PTN: variants seen among roughly 807,000 people sequenced by gnomAD.
The protein encoded by PTN is pleiotrophin.
In PTN, 18 loss-of-function variants were observed where a neutral mutation model predicts 24.1. The observed-to-expected ratio is 0.75, with a 90% confidence interval of 0.52 to 1.11. The LOEUF is 1.11. PTN is among the 50% of genes least tolerant of loss of function. PTN has a pLI of 0.00. For missense variants in PTN, 163 were observed against 198.8 expected (o/e 0.82, Z 1.08); for synonymous variants, 78 against 68.6 (o/e 1.14, Z -0.67).
chr7:137,241,926 G>A (rs527409175), intron 4 of PTN, among the ~76,000 whole-genome samples: 1 of 152,198 alleles, frequency 6.6e-6, no homozygotes, highest in East Asian at 1.9e-4. Flanking sequence ...GCCAGCCTGT[G>A]GTGGGATTCT....
At chr7:137,277,900 TGAGATGATAGATAGATAGATAGATAGATA>T (rs202086206) in intron 1 of PTN, among the ~76,000 whole-genome samples, 5 of 149,782 alleles carry the variant, frequency 3.3e-5, no homozygotes, top group East Asian at 2.0e-4. Context: ...GATAGATAGA[TGAGATGATAGATAGATAGATAGATAGATA>T]GATAGATAGA....
At chr7:137,333,460 T>C (rs1024838433) in intron 1 of PTN, among the ~76,000 whole-genome samples, 18 of 152,168 alleles carry the variant, frequency 1.2e-4, no homozygotes, top group African/African-American at 4.1e-4. Flanking sequence ...AAATCTGGAC[T>C]CTGAAGCAAA....
At chr7:137,319,363 C>A (rs1210468085) in intron 1 of PTN, among the ~76,000 whole-genome samples, 1 of 152,102 alleles carries the variant, frequency 6.6e-6, no homozygotes, top group Non-Finnish European at 1.5e-5. Flanking sequence ...TTACTTTCTT[C>A]CATTTGTTCT....
intron 1 of PTN, among the ~76,000 whole-genome samples, chr7:137,320,138 G>T (rs150150996): frequency 9.7e-4 from 148 of 152,294 alleles, no homozygotes; most frequent in African/African-American, 3.3e-3. Context: ...CCTCAATTGT[G>T]TGATTATTAT....
At chr7:137,230,905 G>C (rs1808416163) in intron 4 of PTN, among the ~76,000 whole-genome samples, 1 of 151,572 alleles carries the variant, frequency 6.6e-6, no homozygotes, top group Non-Finnish European at 1.5e-5. Flanking sequence ...TTTTCTCTTT[G>C]TCTGTTTTTC....
At chr7:137,281,680 T>A (rs1809476917) in intron 1 of PTN, among the ~76,000 whole-genome samples, 1 of 152,236 alleles carries the variant, frequency 6.6e-6, no homozygotes, top group African/African-American at 2.4e-5. Flanking sequence ...CATTTGGTAA[T>A]TATTTGCTAA....
At chr7:137,342,461 A>T (rs993489149) in intron 1 of PTN, among the ~76,000 whole-genome samples, 4 of 152,062 alleles carry the variant, frequency 2.6e-5, no homozygotes, top group Admixed American at 2.0e-4. Context: ...AAACTTACAA[A>T]GCAGCTCTTA....
intron 4 of PTN, among the ~76,000 whole-genome samples, chr7:137,242,919 AC>A (rs750713569): frequency 8.5e-5 from 13 of 152,136 alleles, no homozygotes; most frequent in Non-Finnish European, 1.8e-4. Flanking sequence ...TAAGGGGACC[AC>A]TGAAAAACAC....
At chr7:137,329,848 C>T (rs2128882538) in intron 1 of PTN, among the ~76,000 whole-genome samples, 1 of 152,290 alleles carries the variant, frequency 6.6e-6, no homozygotes, top group Non-Finnish European at 1.5e-5. Flanking sequence ...AAGACCTAGA[C>T]ACAATCGTAG....
chr7:137,317,524 C>T (rs1022962265), intron 1 of PTN, among the ~76,000 whole-genome samples: 2 of 152,152 alleles, frequency 1.3e-5, no homozygotes, highest in African/African-American at 4.8e-5. Flanking sequence ...CGAGTGCCAT[C>T]TTTGGGAAAT....
chr7:137,261,649 C>A (rs760039856), intron 1 of PTN, among the ~76,000 whole-genome samples: 3 of 152,098 alleles, frequency 2.0e-5, no homozygotes, highest in African/African-American at 7.2e-5. Flanking sequence ...CACATTTTTA[C>A]GTGACATGGG....
At chr7:137,326,412 T>C (rs900702282) in intron 1 of PTN, 1 of 152,194 alleles carries the variant, frequency 6.6e-6, no homozygotes, top group African/African-American at 2.4e-5. Context: ...CCTCCCATTA[T>C]AATGTCTAGA....
intron 1 of PTN, among the ~76,000 whole-genome samples, chr7:137,314,618 A>G (rs1330807570): frequency 3.0e-5 from 3 of 99,292 alleles, no homozygotes; most frequent in Non-Finnish European, 6.0e-5. Flanking sequence ...TTTTTTAGAG[A>G]GTCTCGCCCT....
At chr7:137,310,494 C>T (rs1809963820) in intron 1 of PTN, among the ~76,000 whole-genome samples, 1 of 150,158 alleles carries the variant, frequency 6.7e-6, no homozygotes, top group African/African-American at 2.5e-5. Context: ...GACTCCCTGG[C>T]TTAAGTGATT....
At chr7:137,308,888 C>A (rs1405146206) in intron 1 of PTN, among the ~76,000 whole-genome samples, 1 of 152,108 alleles carries the variant, frequency 6.6e-6, no homozygotes, top group Non-Finnish European at 1.5e-5. Context: ...CCTGACGGGC[C>A]CAGATGAAAA....
At chr7:137,322,152 C>G (rs1338512049) in intron 1 of PTN, among the ~76,000 whole-genome samples, 2 of 151,996 alleles carry the variant, frequency 1.3e-5, no homozygotes, top group Non-Finnish European at 2.9e-5. Flanking sequence ...GAAATTTTGC[C>G]TACTTATTTG....
chr7:137,249,272 C>CGTGTGTGTGT (rs60014659), intron 4 of PTN, among the ~76,000 whole-genome samples: 3,206 of 145,334 alleles, frequency 0.022, 56 homozygotes, highest in Middle Eastern at 0.049. Context: ...GGACAGTGCA[C>CGTGTGTGTGT]GTGTGTGTGT....
At position 137,343,465 on chromosome 7, in the gene PTN, G is replaced by C. The variant is rs1440840167; in HGVS notation, c.-28C>G. The C allele has an allele frequency of 5.8e-6, 3 of 518,008 alleles. No homozygotes were observed. Among genetic ancestry groups the C allele is most frequent in the Non-Finnish European group, 1.2e-5 (3 of 259,492 alleles). 32.1% of individuals were successfully genotyped at this position (518,008 alleles called of 1,614,324 possible). ...TTGAGTTGGAAACGTCCTCTCTGGC[G>C]CTCAGTCTGCCTTTGTTGCAAGGGG... On this transcript the variant is annotated 5_prime_UTR_variant, in exon 1 of 5. Transcript: ENST00000348225.
chr7:137,299,168 G>A (rs538994918), intron 1 of PTN, among the ~76,000 whole-genome samples: 1 of 151,946 alleles, frequency 6.6e-6, no homozygotes, highest in South Asian at 2.1e-4. Context: ...TCCAGCCTTT[G>A]GTAGTTCCCG....
Sources: gnomAD v4.1 joint callset for allele counts (sites outside exome capture counted in the v4.1 genomes callset) on GRCh38, gnomAD v4.1.1 for gene constraint, MANE v1.5 for transcripts, NCBI Gene and HGNC (gene_info 2026-07-23, HGNC 2026-07-21) for gene names.